The following PBX3 variants were observed in gnomAD, a reference collection of about 807,000 sequenced individuals.
The protein encoded by PBX3 is pre-B-cell leukemia transcription factor 3.
A neutral mutation model predicts 48.5 loss-of-function variants in PBX3; 14 were observed. The observed-to-expected ratio is 0.29, with a 90% confidence interval of 0.19 to 0.45. The LOEUF (loss-of-function observed/expected upper bound fraction) is 0.45. Among genes scored for constraint, PBX3 ranks in the 20% least tolerant of loss-of-function variants. The pLI is 1.00. For missense variants in PBX3, 386 were observed against 546.7 expected (o/e 0.71, Z 2.93); for synonymous variants, 210 against 200.3 (o/e 1.05, Z -0.41).
At chr9:125,876,159 C>T (rs1233570500) in intron 2 of PBX3, among the ~76,000 whole-genome samples, 1 of 152,116 alleles carries the variant, frequency 6.6e-6, no homozygotes, top group Non-Finnish European at 1.5e-5. Context: ...TTTAGGATGC[C>T]TTCCTCCTCT....
intron 2 of PBX3, among the ~76,000 whole-genome samples, chr9:125,842,332 A>T (rs370698041): frequency 6.6e-6 from 1 of 152,156 alleles, no homozygotes; most frequent in African/African-American, 2.4e-5. Flanking sequence ...TCTGGCTCTG[A>T]CACTCAATTT....
At position 125,817,362 on chromosome 9, in the gene PBX3, C is replaced by T. The variant is rs531248528; in HGVS notation, c.274+68739C>T. Among the ~76,000 whole-genome samples, 5 of 152,244 alleles carry T rather than the reference C, an allele frequency of 3.3e-5. No individual in the cohort carries two copies. In the East Asian group the frequency reaches 9.6e-4, roughly 29 times the overall value. ...TCCCACATTCCAACACTATTCAAAG[C>T]CTTATTTTCCTAGAGATCTTGGAGG... On this transcript the variant is annotated intron_variant, in intron 2 of 8. Coordinates refer to ENST00000373489, the MANE Select transcript of PBX3 (RefSeq NM_006195.6).
chr9:125,764,958 C>A (rs1024245007), intron 2 of PBX3, among the ~76,000 whole-genome samples: 1 of 152,020 alleles, frequency 6.6e-6, no homozygotes, highest in Non-Finnish European at 1.5e-5. Flanking sequence ...ACTGTGAAGG[C>A]TGCAGAGTCT....
At chr9:125,897,592 C>T (rs73667283) in intron 2 of PBX3, among the ~76,000 whole-genome samples, 9,044 of 151,856 alleles carry the variant, frequency 0.06, 626 homozygotes, top group East Asian at 0.17. Context: ...ATGTCACACA[C>T]ACCAGCAAAA....
At chr9:125,845,196 G>A (rs1217499300) in intron 2 of PBX3, among the ~76,000 whole-genome samples, 2 of 151,902 alleles carry the variant, frequency 1.3e-5, no homozygotes, top group African/African-American at 2.4e-5. Flanking sequence ...TACTTTTCCC[G>A]AAAAGTCCTT....
chr9:125,954,990 A>G (rs1842271747), intron 5 of PBX3, among the ~76,000 whole-genome samples: 1 of 152,246 alleles, frequency 6.6e-6, no homozygotes, highest in African/African-American at 2.4e-5. Context: ...TAGACTTATG[A>G]AAAATTGTAG....
In PBX3 at chr9:125,832,154, G is replaced by A. The variant is rs1278914784; in HGVS notation, c.274+83531G>A. Reference sequence around the variant, plus strand: ...CTTAACAAAATTAAGATAATTACTTGATTTATTCTATATATTGTTATAAAT... The same window carrying A: ...CTTAACAAAATTAAGATAATTACTTAATTTATTCTATATATTGTTATAAAT... On this transcript the variant is annotated intron_variant, in intron 2 of 8. Coordinates refer to ENST00000373489, the MANE Select transcript of PBX3 (RefSeq NM_006195.6). Among the ~76,000 whole-genome samples, 2 of 151,080 alleles carry A rather than the reference G, an allele frequency of 1.3e-5. 1 individual carries two copies. Among genetic ancestry groups the A allele is most frequent in the South Asian group, 4.2e-4 (2 of 4,798 alleles).
At chr9:125,918,447 TTTTG>T (rs1200620142) in intron 3 of PBX3, among the ~76,000 whole-genome samples, 36 of 152,298 alleles carry the variant, frequency 2.4e-4, no homozygotes, top group East Asian at 9.6e-4. Flanking sequence ...ATTTATCTCT[TTTTG>T]TTTGTTTGTT....
Position 125,965,956 on chromosome 9 carries a change from C to T in PBX3, c.*33C>T. ...CCACACTTTTCCCTGAGCTACATGCCTTGATAAGTGCATTCAGAGCAATAG... is the reference window on the plus strand; with the variant it reads ...CCACACTTTTCCCTGAGCTACATGCTTTGATAAGTGCATTCAGAGCAATAG... On this transcript the variant is annotated 3_prime_UTR_variant, in exon 9 of 9. Coordinates refer to ENST00000373489, the MANE Select transcript of PBX3 (RefSeq NM_006195.6). 6.7e-7 allele frequency: 1 copy of T among 1,498,386 alleles called. No individual in the cohort carries two copies. Among genetic ancestry groups the T allele is most frequent in the Non-Finnish European group, 9.3e-7 (1 of 1,074,786 alleles). The allele number at this position is 1,498,386 out of a possible 1,614,324, so 92.8% of individuals were successfully genotyped here. A position where few individuals can be genotyped will look rare whatever the true frequency, so the allele number is the denominator to read the frequency against.
At chr9:125,747,753 C>T (rs1836235465) in intron 1 of PBX3, 100 bp downstream of exon 1, 2 of 879,336 alleles carry the variant, frequency 2.3e-6, no homozygotes, top group Admixed American at 8.6e-5. Flanking sequence ...GGCCGCAGCC[C>T]CCGGCGGGGA....
intron 2 of PBX3, among the ~76,000 whole-genome samples, chr9:125,821,031 T>C (rs1838636796): frequency 6.6e-6 from 1 of 152,204 alleles, no homozygotes; most frequent in Admixed American, 6.5e-5. Flanking sequence ...TTGTAACTTA[T>C]AGCCAAAATA....
At chr9:125,885,209 G>T (rs566093947) in intron 2 of PBX3, among the ~76,000 whole-genome samples, 69 of 152,162 alleles carry the variant, frequency 4.5e-4, no homozygotes, top group African/African-American at 1.6e-3. Context: ...TTTTATAAAG[G>T]TCTGTCATAT....
At chr9:125,802,558 AG>A (rs1319551266) in intron 2 of PBX3, among the ~76,000 whole-genome samples, 1 of 151,758 alleles carries the variant, frequency 6.6e-6, no homozygotes, top group Non-Finnish European at 1.5e-5. Flanking sequence ...TTGTAGAGAC[AG>A]GGTTTCACTA....
At chr9:125,906,037 G>A (rs951165027) in intron 2 of PBX3, among the ~76,000 whole-genome samples, 1 of 151,990 alleles carries the variant, frequency 6.6e-6, no homozygotes, top group African/African-American at 2.4e-5. Context: ...TTACAGCAAA[G>A]TATAAACTTA....
At chr9:125,863,165 T>A (rs562072973) in intron 2 of PBX3, among the ~76,000 whole-genome samples, 1 of 152,118 alleles carries the variant, frequency 6.6e-6, no homozygotes, top group Non-Finnish European at 1.5e-5. Flanking sequence ...CCCAAAGTGC[T>A]GGAATTACAG....
chr9:125,919,651 G>C (rs577003751), intron 3 of PBX3, among the ~76,000 whole-genome samples: 15 of 152,306 alleles, frequency 9.8e-5, no homozygotes, highest in East Asian at 5.8e-4. Context: ...ATTGTGTTGA[G>C]TCTTTTAGAA....
intron 2 of PBX3, among the ~76,000 whole-genome samples, chr9:125,845,658 C>A (rs1174880233): frequency 6.6e-6 from 1 of 152,030 alleles, no homozygotes; most frequent in East Asian, 1.9e-4. Flanking sequence ...TCAGCCTTGA[C>A]AAGAAAGAGT....
Position 125,951,992 on chromosome 9 carries a change from T to C in PBX3, c.844-8692T>C, listed in dbSNP as rs560515546. On this transcript the variant is annotated intron_variant, in intron 5 of 8. Transcript: ENST00000373489. ...AAAATTGAACAGTATCTGGCTTCCA[T>C]CCCTCACTTCAAATTGAATCACATA... Among the ~76,000 whole-genome samples, 208 of 152,332 alleles carry C rather than the reference T, an allele frequency of 1.4e-3. 1 individual carries two copies. The highest frequency in any genetic ancestry group is 4.7e-3 in the African/African-American group (197 of 41,576).
At chr9:125,917,535 CTCT>C (rs1402581272) in intron 3 of PBX3, among the ~76,000 whole-genome samples, 3 of 152,320 alleles carry the variant, frequency 2.0e-5, no homozygotes, top group Middle Eastern at 3.4e-3. Flanking sequence ...ATTCATCCCT[CTCT>C]TCTTTTATTC....
Sources: gnomAD v4.1 joint callset for allele counts (sites outside exome capture counted in the v4.1 genomes callset) on GRCh38, gnomAD v4.1.1 for gene constraint, MANE v1.5 for transcripts, NCBI Gene and HGNC (gene_info 2026-07-23, HGNC 2026-07-21) for gene names.